IQCB1: variants seen among roughly 807,000 people sequenced by gnomAD.
The protein encoded by IQCB1 is IQ calmodulin-binding motif-containing protein 1.
A neutral mutation model predicts 84.4 loss-of-function variants in IQCB1; 56 were observed. That is an observed-to-expected ratio of 0.66 (90% CI 0.54 to 0.83). The LOEUF (loss-of-function observed/expected upper bound fraction) is 0.83, where lower values mean the gene tolerates loss of function less well. IQCB1 is among the 40% of genes least tolerant of loss of function. The pLI is 0.00. For synonymous variants in IQCB1, 210 were observed against 234.8 expected, an observed-to-expected ratio of 0.89 and a Z score of 0.96; for missense variants, 629 against 682.1, an observed-to-expected ratio of 0.92 and a Z score of 0.87.
chr3:121,781,821 C>T lies in IQCB1; in HGVS notation c.1332G>A (p.Trp444Ter), dbSNP rs756943739. Reference sequence around the variant, plus strand: ...CATCAGTGAGTTCTTGGAGTCCTCGCCAAGGAGCAAATAGTTTCTTTTTCT... The same window carrying T: ...CATCAGTGAGTTCTTGGAGTCCTCGTCAAGGAGCAAATAGTTTCTTTTTCT... ...CRKKKKLFAP[W>*]RGLQELTDAR... is the part of the protein sequence containing the mutation. Residue 444 changes from tryptophan to a stop codon, truncating the protein, a stop_gained, in exon 13 of 15, where the codon TGG becomes TGA. Coordinates refer to ENST00000310864, the MANE Select transcript of IQCB1 (RefSeq NM_001023570.4). LOFTEE classifies it high-confidence loss of function. 9.3e-6 allele frequency: 15 copies of T among 1,613,740 alleles called. No individual in the cohort carries two copies. The highest frequency in any genetic ancestry group is 1.0e-5 in the Non-Finnish European group (12 of 1,179,870).
intron 5 of IQCB1, among the ~76,000 whole-genome samples, chr3:121,822,278 T>C (rs1950301388): frequency 6.6e-6 from 1 of 152,214 alleles, no homozygotes; most frequent in Non-Finnish European, 1.5e-5. Flanking sequence ...TTTCTCTCTC[T>C]CCATATATCT....
At chr3:121,804,054 T>C (rs1949515517) in intron 7 of IQCB1, among the ~76,000 whole-genome samples, 1 of 152,102 alleles carries the variant, frequency 6.6e-6, no homozygotes, top group African/African-American at 2.4e-5. Flanking sequence ...ATTGCCTTTG[T>C]TGGCTTATCA....
At chr3:121,797,035 G>C (rs1025284658) in intron 9 of IQCB1, 83 bp downstream of exon 9, 2 of 796,494 alleles carry the variant, frequency 2.5e-6, no homozygotes, top group African/African-American at 3.4e-5. Flanking sequence ...TTAAGAGAAA[G>C]AAAGTGAGGA....
chr3:121,792,615 T>C (rs1055154533), intron 10 of IQCB1, among the ~76,000 whole-genome samples: 2 of 134,496 alleles, frequency 1.5e-5, no homozygotes, highest in African/African-American at 2.9e-5. Flanking sequence ...TGAGCCGAGA[T>C]TGCGCCACTG....
chr3:121,826,944 T>C (rs1208778820), intron 4 of IQCB1, among the ~76,000 whole-genome samples: 1 of 152,100 alleles, frequency 6.6e-6, no homozygotes, highest in Non-Finnish European at 1.5e-5. Context: ...TTCAACAAAA[T>C]GTATGGACAC....
At chr3:121,774,269 C>T (rs1250834097) in intron 13 of IQCB1, among the ~76,000 whole-genome samples, 1 of 152,084 alleles carries the variant, frequency 6.6e-6, no homozygotes, top group African/African-American at 2.4e-5. Context: ...ACAATGACTA[C>T]AACAAAAATA....
chr3:121,817,267 G>C (rs777468743), intron 5 of IQCB1, among the ~76,000 whole-genome samples: 4 of 152,098 alleles, frequency 2.6e-5, no homozygotes, highest in Non-Finnish European at 5.9e-5. Flanking sequence ...AGGGGGTAGG[G>C]AGCAAGGGGA....
At chr3:121,783,820 T>C (rs957430650) in intron 12 of IQCB1, among the ~76,000 whole-genome samples, 1 of 152,182 alleles carries the variant, frequency 6.6e-6, no homozygotes, top group African/African-American at 2.4e-5. Flanking sequence ...TCTCAGGTTA[T>C]TCCCTCTTAT....
chr3:121,814,803 G>A (rs947482862), intron 5 of IQCB1, among the ~76,000 whole-genome samples: 18 of 152,100 alleles, frequency 1.2e-4, no homozygotes, highest in African/African-American at 3.1e-4. Context: ...AGGACCAGAC[G>A]GATTCACAGC....
At chr3:121,829,125 T>A (rs572415192) in intron 2 of IQCB1, among the ~76,000 whole-genome samples, 153 bp from the exon 3 acceptor site, 2 of 152,190 alleles carry the variant, frequency 1.3e-5, no homozygotes, top group East Asian at 3.8e-4. Flanking sequence ...TTCTTCCTTA[T>A]AGAAAACTGG....
At chr3:121,798,140 T>C (rs1559773992) in intron 8 of IQCB1, among the ~76,000 whole-genome samples, 1 of 151,928 alleles carries the variant, frequency 6.6e-6, no homozygotes, top group Non-Finnish European at 1.5e-5. Flanking sequence ...AATTGAAAAA[T>C]GTCTATCTGG....
At position 121,790,213 on chromosome 3, in the gene IQCB1, G is replaced by T. The variant is rs1042365835; in HGVS notation, c.989C>A (p.Ser330Tyr). 2 of 1,613,162 alleles carry T rather than the reference G, an allele frequency of 1.2e-6. No homozygotes were observed. The highest frequency in any genetic ancestry group is 2.7e-5 in the African/African-American group (2 of 74,812). Residue 330 changes from serine (S) to tyrosine (Y), a missense_variant and splice_region_variant, in exon 11 of 15, where the codon TCC becomes TAC. By Grantham distance (144) the Ser-to-Tyr change is moderately radical. Coordinates refer to ENST00000310864, the MANE Select transcript of IQCB1 (RefSeq NM_001023570.4). The stretch of plus-strand genomic sequence containing the variant: ...CTCCAGCAACATCTTTGATCGTTTG[G>T]ATCTGTGATGGAAACAGTGTGTTAT... Reference protein sequence around the residue: ...AVIALQRSFRSKRSKMLLEIN... With the variant: ...AVIALQRSFRYKRSKMLLEIN...
intron 10 of IQCB1, among the ~76,000 whole-genome samples, chr3:121,792,301 G>A (rs1949012738): frequency 6.6e-6 from 1 of 151,990 alleles, no homozygotes; most frequent in East Asian, 1.9e-4. Context: ...ATCAAATATG[G>A]CAAAAATGAA....
chr3:121,824,231 CT>C (rs997946472), intron 5 of IQCB1, among the ~76,000 whole-genome samples: 5 of 150,106 alleles, frequency 3.3e-5, no homozygotes, highest in East Asian at 1.9e-4. Flanking sequence ...CCTATATATA[CT>C]TTTTTTTTTA....
chr3:121,772,184 T>TA (rs999653434), intron 14 of IQCB1, among the ~76,000 whole-genome samples: 2 of 151,612 alleles, frequency 1.3e-5, no homozygotes, highest in African/African-American at 2.4e-5. Context: ...AAAATAATAA[T>TA]AAAAAAAAAT....
intron 8 of IQCB1, among the ~76,000 whole-genome samples, chr3:121,798,641 C>T (rs1310806210): frequency 6.6e-6 from 1 of 151,856 alleles, no homozygotes; most frequent in African/African-American, 2.4e-5. Context: ...GCCTGACACA[C>T]AGTAAATGCT....
intron 5 of IQCB1, among the ~76,000 whole-genome samples, chr3:121,819,312 C>G (rs1950189154): frequency 6.6e-6 from 1 of 152,174 alleles, no homozygotes; most frequent in Non-Finnish European, 1.5e-5. Flanking sequence ...CTCACCTGCA[C>G]AGTTCACAAT....
rs1393639421 is a variant in IQCB1 at position 121,807,421 on chromosome 3, T to C, written c.510A>G (p.Leu170=). The C allele has an allele frequency of 6.5e-7, 1 of 1,546,734 alleles. No homozygotes were observed. The highest frequency in any genetic ancestry group is 8.9e-7 in the Non-Finnish European group (1 of 1,119,676). ...GGACATTGTCAGCTTGCAGTAAATG[T>C]AAGAAATGATCACTTTGTAGTACTA... ...IQNVLQSDHF[L]HLLQADNVQI... Residue 170 remains leucine, a synonymous_variant, in exon 7 of 15, where the codon TTA becomes TTG. Transcript: ENST00000310864.
At position 121,803,466 on chromosome 3, in the gene IQCB1, T is replaced by C. The variant is rs555429160; in HGVS notation, c.587+3878A>G. On this transcript the variant is annotated intron_variant, in intron 7 of 14. Coordinates refer to ENST00000310864, the MANE Select transcript of IQCB1 (RefSeq NM_001023570.4). Reference sequence around the variant, plus strand: ...CTGCTACTGTTTGGTAGAATATTTGTAAAATGTCAATCAGGTCAGATTGGT... The same window carrying C: ...CTGCTACTGTTTGGTAGAATATTTGCAAAATGTCAATCAGGTCAGATTGGT... Among the ~76,000 whole-genome samples the C allele has an allele frequency of 1.2e-4, 19 of 152,316 alleles. No individual in the cohort carries two copies. The South Asian group carries it at 3.5e-3, about 28-fold the overall frequency.
Sources: allele counts gnomAD v4.1 joint callset (sites outside exome capture counted in the v4.1 genomes callset), GRCh38; gene constraint gnomAD v4.1.1; transcripts MANE v1.5; gene names NCBI Gene and HGNC (gene_info 2026-07-23, HGNC 2026-07-21).